Variants in NUTM2F observed in about 807,000 individuals in gnomAD.
The protein encoded by NUTM2F is family with sequence similarity 22, member F.
In NUTM2F, 22 loss-of-function variants were observed where a neutral mutation model predicts 43.3. The observed-to-expected ratio is 0.51, with a 90% confidence interval of 0.36 to 0.73. The LOEUF (loss-of-function observed/expected upper bound fraction) is 0.73. Ranked by LOEUF, NUTM2F falls within the 30% of genes least tolerant of loss-of-function variation. The pLI is 0.00. For missense variants in NUTM2F, 488 were observed against 927.4 expected (o/e 0.53, Z 6.15); for synonymous variants, 202 against 389.0 (o/e 0.52, Z 5.66).
chr9:94,322,164 C>T (rs753909620), intron 3 of NUTM2F, 37 bp downstream of exon 3: 35 of 1,611,516 alleles, frequency 2.2e-5, no homozygotes, highest in South Asian at 4.4e-5. Flanking sequence ...ACTCTCACCC[C>T]GCCACACGGG....
chr9:94,320,838 A>C lies in NUTM2F; in HGVS notation c.983-245T>G, dbSNP rs1161598477. 1.2e-4 allele frequency among the ~76,000 whole-genome samples: 18 copies of C among 152,180 alleles called. No homozygotes were observed. Among genetic ancestry groups the C allele is most frequent in the Non-Finnish European group, 2.2e-4 (15 of 68,018 alleles). ...CTCATCTCTGCTTCCTGGGCAGAGC[A>C]TATGTGGAGTTTTGGACAGGCAAGG... On this transcript the variant is annotated intron_variant, in intron 4 of 6. Transcript: ENST00000253262. This position sits in a 1 kb window ranked among gnomAD's most constrained non-coding sequence, Gnocchi z 4.5.
intron 1 of NUTM2F, among the ~76,000 whole-genome samples, chr9:94,326,637 A>G (rs1831455019): frequency 6.6e-6 from 1 of 151,134 alleles, no homozygotes; most frequent in South Asian, 2.1e-4. Context: ...CCAGCTACTC[A>G]GGAGGCTGAG....
rs778175242 is a variant in NUTM2F at position 94,320,367 on chromosome 9, C to T, written c.1209G>A (p.Glu403=). The change falls in exon 5 of 7, where the codon GAG becomes GAA. Residue 403 remains glutamate (E), a synonymous_variant. Coordinates refer to ENST00000253262, the MANE Select transcript of NUTM2F (RefSeq NM_017561.2). This position sits in a 1 kb window ranked among gnomAD's most constrained non-coding sequence, Gnocchi z 4.5. ...EVVQEYVDIM[E]ELLGSHPGDT... The stretch of plus-strand genomic sequence containing the variant: ...CCCCAGGGTGAGACCCCAGCAGCTC[C>T]TCCATGATGTCCACATACTCCTGCA... The T allele has an allele frequency of 2.5e-6, 4 of 1,613,520 alleles. No individual in the cohort carries two copies. The South Asian group carries it at 3.3e-5, about 13-fold the overall frequency.
chr9:94,324,353 CATT>C (rs902717620), intron 2 of NUTM2F, among the ~76,000 whole-genome samples: 3 of 151,518 alleles, frequency 2.0e-5, no homozygotes, highest in Non-Finnish European at 2.9e-5. Context: ...CTTCTGTAAA[CATT>C]GTTGTGAAAA....
chr9:94,325,594 G>A lies in NUTM2F; in HGVS notation c.357C>T (p.Val119=). The change falls in exon 2 of 7, where the codon GTC becomes GTT. Residue 119 remains valine, a synonymous_variant. Transcript: ENST00000253262. The part of the protein sequence containing the change: ...WQAPGTLCGG[V]MCPPPLLLAA... ...CCAGGAGTAGGGGAGGTGGACACAT[G>A]ACACCTCCACAGAGGGTGCCTGGAG... is the stretch of plus-strand genomic sequence containing the variant. 1 of 1,583,228 alleles carries A rather than the reference G, an allele frequency of 6.3e-7. No homozygotes were observed. The highest frequency in any genetic ancestry group is 8.6e-7 in the Non-Finnish European group (1 of 1,164,892).
At chr9:94,321,253 G>C in intron 3 of NUTM2F, 21 bp from the exon 4 acceptor site, 1 of 1,571,510 alleles carries the variant, frequency 6.4e-7, no homozygotes, top group Middle Eastern at 2.3e-4. Context: ...AGGAGGCCCA[G>C]GCTGTGCTGA....
chr9:94,322,310 C>A lies in NUTM2F; in HGVS notation c.733G>T (p.Ala245Ser), dbSNP rs1340514993. ...CFLIPVLRSL[A>S]RRKPTMTLEE... ...AGCGTCATGGTGGGCTTCCGCCGGGCCAGGGATCGGAGAACTGGGCTGTAA... is the reference window on the plus strand; with the variant it reads ...AGCGTCATGGTGGGCTTCCGCCGGGACAGGGATCGGAGAACTGGGCTGTAA... The change falls in exon 3 of 7, where the codon GCC becomes TCC. Residue 245 changes from alanine (A) to serine (S), a missense_variant. Transcript: ENST00000253262. The A allele has an allele frequency of 6.2e-6, 10 of 1,611,866 alleles. No homozygotes were observed. The highest frequency in any genetic ancestry group is 8.5e-6 in the Non-Finnish European group (10 of 1,179,848).
rs1831360636 is a variant in NUTM2F, at chr9:94,321,171, G to A, written c.904C>T (p.Pro302Ser). ...GGGGCTGGAGGAGGCAGGCTCTGGG[G>A]CCCCTTCATCCACTGCGATTTCTGA... ...QIQKSQWMKG[P>S]QSLPPPAPPR... is the part of the protein sequence containing the mutation. Residue 302 changes from proline (P) to serine (S), a missense_variant, in exon 4 of 7, where the codon CCC becomes TCC. Pro to Ser is a moderately conservative substitution (Grantham distance 74). Transcript: ENST00000253262. 1.9e-6 allele frequency: 3 copies of A among 1,555,534 alleles called. No homozygotes were observed. The highest frequency in any genetic ancestry group is 2.7e-5 in the African/African-American group (2 of 73,782).
At chr9:94,326,241 C>A (rs1052248373) in intron 1 of NUTM2F, among the ~76,000 whole-genome samples, 5 of 152,032 alleles carry the variant, frequency 3.3e-5, no homozygotes, top group African/African-American at 1.2e-4. Flanking sequence ...AGGCATCTCC[C>A]AAGCCATGGG....
intron 1 of NUTM2F, among the ~76,000 whole-genome samples, 164 bp downstream of exon 1, chr9:94,328,444 T>G (rs576984171): frequency 3.2e-4 from 49 of 152,142 alleles, no homozygotes; most frequent in Admixed American, 3.2e-3. Context: ...AACCACAGAC[T>G]CAGGGTGCCA....
chr9:94,321,355 G>T (rs1416471191), intron 3 of NUTM2F, 123 bp from the exon 4 acceptor site: 1 of 1,479,338 alleles, frequency 6.8e-7, no homozygotes, highest in African/African-American at 1.4e-5. Context: ...GGCCCTCACT[G>T]GGACCCATCC....
chr9:94,328,492 G>A, intron 1 of NUTM2F, 116 bp downstream of exon 1: 1 of 1,561,742 alleles, frequency 6.4e-7, no homozygotes, highest in Non-Finnish European at 8.8e-7. Flanking sequence ...GGGACATCCA[G>A]TGCTCCCTCC....
Position 94,325,908 on chromosome 9 carries a change from T to A in NUTM2F, c.43A>T (p.Thr15Ser), listed in dbSNP as rs775778754. ...GACAGGGAGGTGCCAGGGTTCACGGTCACGCCGGGTCCCAGCACTGGGTAT... is the reference window on the plus strand; with the variant it reads ...GACAGGGAGGTGCCAGGGTTCACGGACACGCCGGGTCCCAGCACTGGGTAT... Reference protein sequence around the residue: ...GAYPVLGPGVTVNPGTSLSVF... With the variant: ...GAYPVLGPGVSVNPGTSLSVF... Residue 15 changes from threonine to serine, a missense_variant, in exon 2 of 7, where the codon ACC becomes TCC. Thr to Ser is a moderately conservative substitution (Grantham distance 58). Coordinates refer to ENST00000253262, the MANE Select transcript of NUTM2F (RefSeq NM_017561.2). 5 of 1,611,762 alleles carry A rather than the reference T, an allele frequency of 3.1e-6. No homozygotes were observed. The highest frequency in any genetic ancestry group is 4.2e-6 in the Non-Finnish European group (5 of 1,179,810).
At chr9:94,325,204 G>T (rs1189643503) in intron 2 of NUTM2F, 34 bp downstream of exon 2, 1 of 606,230 alleles carries the variant, frequency 1.6e-6, no homozygotes. Flanking sequence ...TGAGTGAGCT[G>T]CAGGACAAGC....
In NUTM2F at chr9:94,321,031, G is replaced by T. The variant is rs1167835715; in HGVS notation, c.982+62C>A. 9 of 1,518,520 alleles carry T rather than the reference G, an allele frequency of 5.9e-6. No homozygotes were observed. The African/African-American group carries it at 9.6e-5, about 16-fold the overall frequency. 94.1% of individuals were successfully genotyped at this position (1,518,520 alleles called of 1,614,324 possible). ...AAGGGAAGCATGGGGTGTGGGGACA[G>T]TGGCCTCCCTTGGCCCCTTTGGCCT... On this transcript the variant is annotated intron_variant, in intron 4 of 6. Coordinates refer to ENST00000253262, the MANE Select transcript of NUTM2F (RefSeq NM_017561.2).
chr9:94,319,988 C>T (rs974379065), intron 5 of NUTM2F, among the ~76,000 whole-genome samples: 6 of 152,132 alleles, frequency 3.9e-5, no homozygotes, highest in Non-Finnish European at 1.5e-5. Flanking sequence ...GTAACATACA[C>T]ACTCCACACT....
At chr9:94,326,862 TG>T (rs1831457888) in intron 1 of NUTM2F, among the ~76,000 whole-genome samples, 1 of 151,928 alleles carries the variant, frequency 6.6e-6, no homozygotes, top group Admixed American at 6.6e-5. Context: ...GTGATTGTCC[TG>T]GCACCACCCA....
intron 1 of NUTM2F, among the ~76,000 whole-genome samples, chr9:94,328,335 T>C (rs1587705242): frequency 6.6e-6 from 1 of 151,894 alleles, no homozygotes; most frequent in African/African-American, 2.4e-5. Context: ...ACGTGACCTG[T>C]CCCCCTCTAG....
chr9:94,320,165 C>T lies in NUTM2F; in HGVS notation c.1368+43G>A, dbSNP rs1043688435. 3 of 1,576,304 alleles carry T rather than the reference C, an allele frequency of 1.9e-6. No homozygotes were observed. The highest frequency in any genetic ancestry group is 2.6e-6 in the Non-Finnish European group (3 of 1,152,788). Reference sequence around the variant, plus strand: ...TAATTCCAAGGACCTGGAAGTGCCACCCCCTGGAATCCTACAGACCACAGC... The same window carrying T: ...TAATTCCAAGGACCTGGAAGTGCCATCCCCTGGAATCCTACAGACCACAGC... On this transcript the variant is annotated intron_variant, in intron 5 of 6. Transcript: ENST00000253262. This position sits in a 1 kb window ranked among gnomAD's most constrained non-coding sequence, Gnocchi z 4.5.
Sources: allele counts gnomAD v4.1 joint callset (sites outside exome capture counted in the v4.1 genomes callset), GRCh38; gene constraint gnomAD v4.1.1; non-coding constraint Gnocchi (gnomAD v3.1); transcripts MANE v1.5; gene names NCBI Gene and HGNC (gene_info 2026-07-23, HGNC 2026-07-21).